Variants in SHLD1 observed in about 807,000 individuals in gnomAD.
SHLD1 encodes the protein RINN1-REV7-interacting novel NHEJ regulator 3.
A neutral mutation model predicts 5.5 loss-of-function variants in SHLD1; 3 were observed. That is an observed-to-expected ratio of 0.54 (90% CI 0.25 to 1.40). The LOEUF (loss-of-function observed/expected upper bound fraction) is 1.40, where lower values mean the gene tolerates loss of function less well. SHLD1 is among the 40% of genes most tolerant of loss of function. The pLI is 0.15. For synonymous variants in SHLD1, 92 were observed against 94.3 expected (o/e 0.98, Z 0.14); for missense variants, 210 against 244.4 (o/e 0.86, Z 0.94).
At chr20:5,807,438 A>G (rs2087394821) in intron 2 of SHLD1, among the ~76,000 whole-genome samples, 1 of 147,996 alleles carries the variant, frequency 6.8e-6, no homozygotes, top group Non-Finnish European at 1.5e-5. Flanking sequence ...TAATGCGATC[A>G]TATCTCACTG....
rs970569628 is a variant in SHLD1 at position 5,855,030 on chromosome 20, T to C, written c.179-7994T>C. ...CCGGGACTACAGGCATGAACCACCATGGCCGGCTAAATTTTTAATTTTTTT... is the reference window on the plus strand; with the variant it reads ...CCGGGACTACAGGCATGAACCACCACGGCCGGCTAAATTTTTAATTTTTTT... On this transcript the variant is annotated intron_variant, in intron 2 of 2. Coordinates refer to ENST00000303142, the MANE Select transcript of SHLD1 (RefSeq NM_152504.4). The surrounding 1 kb of genome is among the most constrained non-coding windows in gnomAD (Gnocchi z 4.4). Among the ~76,000 whole-genome samples, 7 of 151,948 alleles carry C rather than the reference T, an allele frequency of 4.6e-5. No homozygotes were observed. Among genetic ancestry groups the C allele is most frequent in the Admixed American group, 3.9e-4 (6 of 15,246 alleles).
rs943126230 is a variant in SHLD1 at position 5,773,725 on chromosome 20, C to T, written c.178+682C>T. On this transcript the variant is annotated intron_variant, in intron 2 of 2. Coordinates refer to ENST00000303142, the MANE Select transcript of SHLD1 (RefSeq NM_152504.4). ...CTGGATTTAAAGTTCAGCTCTGCCA[C>T]TTGCTGGCTATGTGACTTGGGGCGT... 2.0e-5 allele frequency among the ~76,000 whole-genome samples: 3 copies of T among 152,156 alleles called. No individual in the cohort carries two copies. The East Asian group carries it at 5.8e-4, about 29-fold the overall frequency.
intron 2 of SHLD1, among the ~76,000 whole-genome samples, chr20:5,838,705 G>A (rs899467446): frequency 9.8e-5 from 15 of 152,344 alleles, no homozygotes; most frequent in Non-Finnish European, 1.3e-4. Flanking sequence ...ACGTTGCAGC[G>A]AGGCAGAGGT....
chr20:5,793,127 A>G (rs754015827), intron 2 of SHLD1, among the ~76,000 whole-genome samples: 3 of 152,024 alleles, frequency 2.0e-5, no homozygotes, highest in Non-Finnish European at 4.4e-5. Context: ...GTCCTGTTCC[A>G]TTGGTCCGTA....
chr20:5,822,555 T>C (rs575574437), intron 2 of SHLD1, among the ~76,000 whole-genome samples: 87 of 152,294 alleles, frequency 5.7e-4, no homozygotes, highest in Middle Eastern at 3.4e-3. Flanking sequence ...TGTGTGCTTG[T>C]GTCCCTAAGT....
intron 2 of SHLD1, among the ~76,000 whole-genome samples, chr20:5,778,559 A>G (rs1291982436): frequency 1.3e-5 from 2 of 150,104 alleles, no homozygotes; most frequent in Non-Finnish European, 3.0e-5. Flanking sequence ...GTGAGCCATG[A>G]TCGTGCTACT....
chr20:5,838,293 G>T (rs541262790), intron 2 of SHLD1, among the ~76,000 whole-genome samples: 173 of 152,234 alleles, frequency 1.1e-3, no homozygotes, highest in Non-Finnish European at 2.1e-3. Context: ...GACATATAAA[G>T]ATTTTAAAAG....
chr20:5,754,205 G>T (rs780329986), intron 1 of SHLD1, among the ~76,000 whole-genome samples: 6 of 152,038 alleles, frequency 3.9e-5, no homozygotes, highest in Non-Finnish European at 7.4e-5. Context: ...CAACCTCCTG[G>T]GCTCAAGCAA....
At chr20:5,846,894 A>G in intron 2 of SHLD1, among the ~76,000 whole-genome samples, 1 of 152,220 alleles carries the variant, frequency 6.6e-6, no homozygotes, top group East Asian at 1.9e-4. Context: ...TTTTAAAACA[A>G]GCCTCGGGGT....
intron 2 of SHLD1, among the ~76,000 whole-genome samples, chr20:5,861,265 G>A (rs1277315091): frequency 6.6e-6 from 1 of 152,258 alleles, no homozygotes; most frequent in Non-Finnish European, 1.5e-5. Flanking sequence ...GGCACTGCAT[G>A]TTTCCACAGA....
intron 1 of SHLD1, among the ~76,000 whole-genome samples, chr20:5,764,325 TCTC>T (rs1172009432): frequency 1.3e-5 from 2 of 149,558 alleles, no homozygotes; most frequent in African/African-American, 4.9e-5. Context: ...TCAAACCCAT[TCTC>T]TTTAACTCCA....
At chr20:5,766,553 C>T (rs1984839003) in intron 1 of SHLD1, among the ~76,000 whole-genome samples, 1 of 152,074 alleles carries the variant, frequency 6.6e-6, no homozygotes, top group Non-Finnish European at 1.5e-5. Context: ...TGGCTGCTTT[C>T]GAGATGTGTT....
intron 2 of SHLD1, among the ~76,000 whole-genome samples, chr20:5,854,184 G>T (rs1287003): frequency 1 from 151,905 of 152,224 alleles, 75,793 homozygotes; most frequent in Middle Eastern, 1. Context: ...TTTTGTATTT[G>T]TAGTACAGAT....
At position 5,798,503 on chromosome 20, in the gene SHLD1, C is replaced by T. The variant is rs577482893; in HGVS notation, c.178+25460C>T. Among the ~76,000 whole-genome samples the T allele has an allele frequency of 1.0e-3, 155 of 152,114 alleles. 2 individuals carry two copies. The highest frequency in any genetic ancestry group is 3.5e-3 in the African/African-American group (146 of 41,510). Reference sequence around the variant, plus strand: ...ATTTTTAGTAGAGACAGGGTTTCACCGTGTTAGCCAGGATGGTCTCAATCT... The same window carrying T: ...ATTTTTAGTAGAGACAGGGTTTCACTGTGTTAGCCAGGATGGTCTCAATCT... On this transcript the variant is annotated intron_variant, in intron 2 of 2. Transcript: ENST00000303142.
chr20:5,829,735 G>A (rs987819930), intron 2 of SHLD1, among the ~76,000 whole-genome samples: 1 of 152,034 alleles, frequency 6.6e-6, no homozygotes, highest in Non-Finnish European at 1.5e-5. Context: ...TGAGTGGTTG[G>A]GTTTGTATGA....
In SHLD1 at chr20:5,778,120, T is replaced by C. The variant is rs571699789; in HGVS notation, c.178+5077T>C. 6.1e-4 allele frequency among the ~76,000 whole-genome samples: 88 copies of C among 143,334 alleles called. 1 individual carries two copies. The South Asian group carries it at 0.015, about 24-fold the overall frequency. The allele number at this position is 143,334 out of a possible 152,430, so 94.0% of individuals were successfully genotyped here. On this transcript the variant is annotated intron_variant, in intron 2 of 2. Transcript: ENST00000303142. ...GGCAGGAGGATCCCTTTTTCTTTTTTTTTTTTTTTTTTTTGAGACAGAGTC... is the reference window on the plus strand; with the variant it reads ...GGCAGGAGGATCCCTTTTTCTTTTTCTTTTTTTTTTTTTTGAGACAGAGTC...
At chr20:5,813,274 G>A (rs1382669189) in intron 2 of SHLD1, among the ~76,000 whole-genome samples, 1 of 152,082 alleles carries the variant, frequency 6.6e-6, no homozygotes, top group Non-Finnish European at 1.5e-5. Context: ...GATCACCTGA[G>A]CTAAGGAGTT....
chr20:5,782,252 A>T (rs1402482807), intron 2 of SHLD1, among the ~76,000 whole-genome samples: 1 of 152,052 alleles, frequency 6.6e-6, no homozygotes, highest in African/African-American at 2.4e-5. Flanking sequence ...GGAAGAGCGG[A>T]GTTAAGAAAC....
chr20:5,789,861 C>G (rs1367737298), intron 2 of SHLD1, among the ~76,000 whole-genome samples: 1 of 152,130 alleles, frequency 6.6e-6, no homozygotes, highest in East Asian at 1.9e-4. Flanking sequence ...AACCTGCAAC[C>G]TAGCAACAAG....
Sources: gnomAD v4.1 joint callset for allele counts (sites outside exome capture counted in the v4.1 genomes callset) on GRCh38, gnomAD v4.1.1 for gene constraint, Gnocchi (gnomAD v3.1) non-coding constraint, MANE v1.5 for transcripts, NCBI Gene and HGNC (gene_info 2026-07-23, HGNC 2026-07-21) for gene names.